Variants in CARNMT1 observed in about 807,000 individuals in gnomAD.
CARNMT1 encodes protein-L-histidine N-pros-methyltransferase CARNMT1.
Under a neutral mutation model 49.6 loss-of-function variants are expected in CARNMT1, and 28 were observed. The ratio of observed to expected loss-of-function variants is 0.56; its 90% CI spans 0.42 to 0.77. The LOEUF (loss-of-function observed/expected upper bound fraction) is 0.77. CARNMT1 is among the 30% of genes least tolerant of loss of function. The probability of loss-of-function intolerance (pLI) is 0.00; values close to 1 mark genes in which losing one functional copy is unlikely to be tolerated. For synonymous variants in CARNMT1, 178 were observed against 175.0 expected, an observed-to-expected ratio of 1.02 and a Z score of -0.13; for missense variants, 421 against 512.6, an observed-to-expected ratio of 0.82 and a Z score of 1.73.
At chr9:75,026,059 G>A (rs1378738236) in intron 1 of CARNMT1, among the ~76,000 whole-genome samples, 2 of 152,120 alleles carry the variant, frequency 1.3e-5, no homozygotes, top group East Asian at 3.8e-4. Context: ...GGCTTTAAGT[G>A]ACATTTTAAA....
chr9:75,011,007 T>C (rs1332891083), intron 3 of CARNMT1, among the ~76,000 whole-genome samples: 2 of 151,816 alleles, frequency 1.3e-5, no homozygotes, highest in Non-Finnish European at 2.9e-5. Flanking sequence ...AAGACATAAA[T>C]ATATAATTCT....
At chr9:75,009,226 T>C (rs1292251935) in intron 3 of CARNMT1, among the ~76,000 whole-genome samples, 1 of 152,064 alleles carries the variant, frequency 6.6e-6, no homozygotes, top group Non-Finnish European at 1.5e-5. Flanking sequence ...TTTAAAAAGT[T>C]TTTTCTTTTT....
chr9:75,001,435 A>G (rs1833352731), intron 3 of CARNMT1, among the ~76,000 whole-genome samples: 1 of 152,222 alleles, frequency 6.6e-6, no homozygotes, highest in African/African-American at 2.4e-5. Flanking sequence ...GGCAGAAAAT[A>G]TATTAACAGT....
chr9:74,986,166 A>G (rs1316985007), intron 6 of CARNMT1, among the ~76,000 whole-genome samples: 2 of 152,188 alleles, frequency 1.3e-5, no homozygotes, highest in Non-Finnish European at 2.9e-5. Flanking sequence ...TGGGTTAATT[A>G]TAAATCCTGC....
chr9:74,981,868 T>G lies in CARNMT1; in HGVS notation c.*1899A>C, dbSNP rs185442619. ...TGTTCGATTGATTTTTAAAAAATAC[T>G]TATGTACTTTGCAAGTTTTCTTCTT... On this transcript the variant is annotated 3_prime_UTR_variant, in exon 8 of 8. Transcript: ENST00000376834. The G allele has an allele frequency of 1.3e-5, 2 of 152,138 alleles. No homozygotes were observed. The highest frequency in any genetic ancestry group is 2.1e-4 in the South Asian group (1 of 4,826). The allele number at this position is 152,138 out of a possible 1,614,324, so 9.4% of individuals were successfully genotyped here. A position where few individuals can be genotyped will look rare whatever the true frequency, so the allele number is the denominator to read the frequency against.
chr9:74,984,859 G>T, intron 7 of CARNMT1, 48 bp downstream of exon 7: 2 of 1,199,078 alleles, frequency 1.7e-6, no homozygotes, highest in South Asian at 1.2e-5. Flanking sequence ...CACTTCTGTT[G>T]AGGTGCTTTG....
At chr9:74,992,776 T>A (rs12002558) in intron 6 of CARNMT1, among the ~76,000 whole-genome samples, 8,383 of 152,240 alleles carry the variant, frequency 0.055, 439 homozygotes, top group East Asian at 0.26. Context: ...AACATTTTCA[T>A]ATATAATTTT....
chr9:75,026,811 TGACA>T (rs1822541688), intron 1 of CARNMT1, among the ~76,000 whole-genome samples: 1 of 152,192 alleles, frequency 6.6e-6, no homozygotes, highest in Admixed American at 6.5e-5. Context: ...GTCAAAAACT[TGACA>T]GACTATTTGG....
chr9:74,981,237 T>C lies in CARNMT1; in HGVS notation c.*2530A>G, dbSNP rs1174802019. ...CAGCTTCTCCTTATATTGTACATGT[T>C]CCACCTTGCTCACTTGATTAGCATA... is the stretch of plus-strand genomic sequence containing the variant. On this transcript the variant is annotated 3_prime_UTR_variant, in exon 8 of 8. Coordinates refer to ENST00000376834, the MANE Select transcript of CARNMT1 (RefSeq NM_152420.3). The C allele has an allele frequency of 3.3e-5, 5 of 152,142 alleles. No individual in the cohort carries two copies. Among genetic ancestry groups the C allele is most frequent in the South Asian group, 2.1e-4 (1 of 4,836 alleles). 9.4% of individuals were successfully genotyped at this position (152,142 alleles called of 1,614,324 possible).
chr9:75,028,099 G>A lies in CARNMT1; in HGVS notation c.143C>T (p.Ala48Val). The part of the protein sequence containing the change: ...GSAAAVSAAA[A>V]AATRSTEEEE... ...CTCCTCGGTGCTGCGCGTGGCCGCC[G>A]CCGCTGCCGCCGAAACCGCCGCGGC... Residue 48 changes from alanine to valine, a missense_variant, in exon 1 of 8, where the codon GCG (alanine) becomes GTG (valine). Ala to Val is a moderately conservative substitution (Grantham distance 64). Coordinates refer to ENST00000376834, the MANE Select transcript of CARNMT1 (RefSeq NM_152420.3). 2 of 1,553,562 alleles carry A rather than the reference G, an allele frequency of 1.3e-6. No individual in the cohort carries two copies. The highest frequency in any genetic ancestry group is 1.7e-6 in the Non-Finnish European group (2 of 1,151,242).
intron 6 of CARNMT1, among the ~76,000 whole-genome samples, chr9:74,991,465 G>T (rs1833011269): frequency 6.6e-6 from 1 of 152,026 alleles, no homozygotes; most frequent in South Asian, 2.1e-4. Context: ...TTATAGGCAG[G>T]GTAGGGGTTG....
chr9:74,987,860 G>A (rs960620047), intron 6 of CARNMT1, among the ~76,000 whole-genome samples: 13 of 151,786 alleles, frequency 8.6e-5, no homozygotes, highest in Non-Finnish European at 1.3e-4. Flanking sequence ...TTGATATGGG[G>A]AAAATTATAT....
intron 6 of CARNMT1, among the ~76,000 whole-genome samples, chr9:74,992,806 C>A (rs1233719439): frequency 6.6e-6 from 1 of 152,116 alleles, no homozygotes; most frequent in Non-Finnish European, 1.5e-5. Context: ...GTCATTTGTT[C>A]CAGAATGGCT....
intron 1 of CARNMT1, among the ~76,000 whole-genome samples, chr9:75,025,792 C>A (rs1365929323): frequency 1.3e-5 from 2 of 152,068 alleles, no homozygotes; most frequent in African/African-American, 4.8e-5. Context: ...TTGTCCATCA[C>A]AACCTACTTC....
chr9:74,990,926 T>C (rs1013622749), intron 6 of CARNMT1, among the ~76,000 whole-genome samples: 1 of 152,198 alleles, frequency 6.6e-6, no homozygotes, highest in Non-Finnish European at 1.5e-5. Flanking sequence ...AAATGTACTG[T>C]AGGCTGTTTG....
chr9:74,982,248 T>C lies in CARNMT1; in HGVS notation c.*1519A>G, dbSNP rs576065499. 1 of 152,166 alleles carries C rather than the reference T, an allele frequency of 6.6e-6. No homozygotes were observed. Among genetic ancestry groups the C allele is most frequent in the Non-Finnish European group, 1.5e-5 (1 of 68,024 alleles). The allele number at this position is 152,166 out of a possible 1,614,324, so 9.4% of individuals were successfully genotyped here. On this transcript the variant is annotated 3_prime_UTR_variant, in exon 8 of 8. Transcript: ENST00000376834. The stretch of plus-strand genomic sequence containing the variant: ...AACTTTTCCTATTAAAACATGACAT[T>C]TATGCGACCAGCACATTACTGAGAT...
Position 75,016,374 on chromosome 9 carries a change from G to A in CARNMT1, c.484C>T (p.Leu162=). 1 of 1,614,040 alleles carries A rather than the reference G, an allele frequency of 6.2e-7. No homozygotes were observed. Among genetic ancestry groups the A allele is most frequent in the Non-Finnish European group, 8.5e-7 (1 of 1,179,962 alleles). ...CTCCAGTCTCTCACAAACTGTTTCA[G>A]CGTGGATTTTAACTTATCCATGTCA... ...TFDMDKLKST[L]KQFVRDWSET... Residue 162 remains leucine, a synonymous_variant, in exon 3 of 8, where the codon CTG becomes TTG. Transcript: ENST00000376834.
intron 3 of CARNMT1, chr9:75,010,119 C>CTTTTTT (rs1187457398): frequency 3.0e-4 from 25 of 82,272 alleles, no homozygotes; most frequent in Admixed American, 4.6e-4. Context: ...GGAAGAAATT[C>CTTTTTT]TTTTTTTTTT....
intron 1 of CARNMT1, 42 bp downstream of exon 1, chr9:75,027,970 C>T (rs1244163010): frequency 4.6e-6 from 7 of 1,514,742 alleles, no homozygotes; most frequent in Non-Finnish European, 5.3e-6. Flanking sequence ...CACCAGTGGG[C>T]GCCCCGACGG....
Sources: gnomAD v4.1 joint callset for allele counts (sites outside exome capture counted in the v4.1 genomes callset) on GRCh38, gnomAD v4.1.1 for gene constraint, MANE v1.5 for transcripts, NCBI Gene and HGNC (gene_info 2026-07-23, HGNC 2026-07-21) for gene names.